ZNF518A: variants seen among roughly 807,000 people sequenced by gnomAD.
ZNF518A encodes the protein zinc finger protein 518.
In ZNF518A, 47 loss-of-function variants were observed where a neutral mutation model predicts 102.7. The ratio of observed to expected loss-of-function variants is 0.46; its 90% CI spans 0.36 to 0.58. The LOEUF (loss-of-function observed/expected upper bound fraction) is 0.58, where lower values mean the gene tolerates loss of function less well. ZNF518A is among the 20% of genes least tolerant of loss of function. The probability of loss-of-function intolerance (pLI) is 0.00; values close to 1 mark genes in which losing one functional copy is unlikely to be tolerated. For synonymous variants in ZNF518A, 652 were observed against 594.6 expected, an observed-to-expected ratio of 1.10 and a Z score of -1.40; for missense variants, 1,793 against 1,699.8, an observed-to-expected ratio of 1.05 and a Z score of -0.96.
chr10:96,183,664 C>T (rs1356645382), intron 1 of ZNF518A, among the ~76,000 whole-genome samples: 1 of 152,192 alleles, frequency 6.6e-6, no homozygotes, highest in Non-Finnish European at 1.5e-5. Flanking sequence ...TTTGATTGCA[C>T]TGTGGTCTGA....
downstream of ZNF518A, among the ~76,000 whole-genome samples, chr10:96,168,649 A>G (rs1365624308): frequency 6.6e-6 from 1 of 151,924 alleles, no homozygotes; most frequent in Non-Finnish European, 1.5e-5. Context: ...TTTCTTTTTA[A>G]TTTTCCATTC....
upstream of ZNF518A, chr10:96,130,137 A>C (rs2081245725): frequency 6.5e-6 from 1 of 152,852 alleles, no homozygotes; most frequent in Admixed American, 6.5e-5. Context: ...CGTCAGCGGG[A>C]CTGCCCAGAC....
At chr10:96,138,603 A>G (rs1171171997) in intron 3 of ZNF518A, among the ~76,000 whole-genome samples, 30 of 152,288 alleles carry the variant, frequency 2.0e-4, no homozygotes, top group African/African-American at 7.2e-4. Context: ...CTCTGTAGCA[A>G]TTGTTGCCTT....
chr10:96,131,911 C>T (rs1554872079), intron 1 of ZNF518A, among the ~76,000 whole-genome samples: 1 of 151,990 alleles, frequency 6.6e-6, no homozygotes, highest in African/African-American at 2.4e-5. Context: ...TTTAAATGCC[C>T]TTTAAGTGTA....
chr10:96,146,130 A>G (rs1268858468), intron 3 of ZNF518A, among the ~76,000 whole-genome samples: 1 of 152,174 alleles, frequency 6.6e-6, no homozygotes, highest in African/African-American at 2.4e-5. Context: ...TATGTTAGAT[A>G]TCATTGTGTT....
chr10:96,130,974 T>A (rs1483364893), intron 1 of ZNF518A, among the ~76,000 whole-genome samples: 1 of 152,226 alleles, frequency 6.6e-6, no homozygotes, highest in African/African-American at 2.4e-5. Context: ...ATCAAACAGA[T>A]GTAGCTTTAA....
intron 3 of ZNF518A, among the ~76,000 whole-genome samples, chr10:96,152,705 C>T (rs1482444485): frequency 6.6e-6 from 1 of 152,196 alleles, no homozygotes; most frequent in Non-Finnish European, 1.5e-5. Context: ...TAGCCTGTTG[C>T]TTCTAGGCTA....
At chr10:96,154,524 A>G (rs1362370490) in intron 3 of ZNF518A, among the ~76,000 whole-genome samples, 2 of 150,124 alleles carry the variant, frequency 1.3e-5, no homozygotes, top group Non-Finnish European at 3.0e-5. Flanking sequence ...GTTGGATTGT[A>G]GAGCCTTCAA....
chr10:96,197,185 T>C (rs1247158189), intron 1 of ZNF518A: 13 of 697,460 alleles, frequency 1.9e-5, no homozygotes, highest in Non-Finnish European at 3.0e-5. Context: ...TTTAGCTACA[T>C]TATTTTTATT....
chr10:96,148,784 C>T (rs587702727), intron 3 of ZNF518A, among the ~76,000 whole-genome samples: 6 of 152,304 alleles, frequency 3.9e-5, no homozygotes, highest in South Asian at 2.1e-4. Flanking sequence ...GGCATGGTCT[C>T]GGCTCACTGC....
At chr10:96,154,344 CTTT>C (rs2082593249) in intron 3 of ZNF518A, among the ~76,000 whole-genome samples, 1 of 148,720 alleles carries the variant, frequency 6.7e-6, no homozygotes, top group African/African-American at 2.6e-5. Flanking sequence ...TCAATCTTTT[CTTT>C]CTTTCTCTTT....
rs186057029 is a variant in ZNF518A at position 96,191,030 on chromosome 10, G to C, written n.36-12544G>C. The stretch of plus-strand genomic sequence containing the variant: ...GTGCCATGGGAGGGACCTGGTGGGA[G>C]GTAACTGAATCACGCGGGCAGGTTT... On this transcript the variant is annotated intron_variant and non_coding_transcript_variant, in intron 1 of 2. Transcript: ENST00000442635. Among the ~76,000 whole-genome samples, 192 of 152,228 alleles carry C rather than the reference G, an allele frequency of 1.3e-3. 2 individuals are homozygous for C. Among genetic ancestry groups the C allele is most frequent in the African/African-American group, 4.3e-3 (180 of 41,546 alleles).
Position 96,133,602 on chromosome 10 carries a change from G to A in ZNF518A, c.-348G>A, listed in dbSNP as rs962257617. On this transcript the variant is annotated 5_prime_UTR_variant, in exon 3 of 6. An upstream start codon of the reference 5' UTR is lost. Coordinates refer to ENST00000316045, the MANE Select transcript of ZNF518A (RefSeq NM_001330736.2). ...GGATAGGTCCTGGGATCTTTGAAATGCTAAGATTCTTGGATACCACAGTAT... is the reference window on the plus strand; with the variant it reads ...GGATAGGTCCTGGGATCTTTGAAATACTAAGATTCTTGGATACCACAGTAT... 2 of 152,176 alleles carry A rather than the reference G, an allele frequency of 1.3e-5. No homozygotes were observed. The highest frequency in any genetic ancestry group is 2.9e-5 in the Non-Finnish European group (2 of 68,018). 9.4% of individuals were successfully genotyped at this position (152,176 alleles called of 1,614,324 possible).
downstream of ZNF518A, chr10:96,204,753 T>C: frequency 1.3e-6 from 1 of 755,744 alleles, no homozygotes; most frequent in South Asian, 1.5e-5. Flanking sequence ...TGAGATGTCA[T>C]GGATCTGTGC....
chr10:96,150,422 T>C (rs1050858707), intron 3 of ZNF518A, among the ~76,000 whole-genome samples: 10 of 151,888 alleles, frequency 6.6e-5, no homozygotes, highest in Admixed American at 5.2e-4. Flanking sequence ...CCCACCTTTT[T>C]GGATAGCATT....
chr10:96,203,921 T>C (rs1397127641), exon 3 of ZNF518A: 1 of 644,384 alleles, frequency 1.6e-6, no homozygotes, highest in African/African-American at 1.8e-5. Context: ...ATTTTACAGG[T>C]AAGGAAACAA....
At chr10:96,164,040 A>C (rs1554889451), downstream of ZNF518A, among the ~76,000 whole-genome samples, 1 of 152,336 alleles carries the variant, frequency 6.6e-6, no homozygotes, top group African/African-American at 2.4e-5. Context: ...AGTGCAACTT[A>C]TGAAGGGATT....
intron 3 of ZNF518A, among the ~76,000 whole-genome samples, chr10:96,147,414 C>T (rs781945667): frequency 1.3e-5 from 2 of 152,200 alleles, no homozygotes; most frequent in East Asian, 1.9e-4. Flanking sequence ...ATTTACTTCT[C>T]TCTCCTCCAT....
chr10:96,200,309 A>C lies in ZNF518A; in HGVS notation n.36-3265A>C. Reference sequence around the variant, plus strand: ...GATGAGTTTTATTTTTCCTTTGATCAAACACAAGGATTATACCGTTAACTT... The same window carrying C: ...GATGAGTTTTATTTTTCCTTTGATCCAACACAAGGATTATACCGTTAACTT... On this transcript the variant is annotated intron_variant and non_coding_transcript_variant, in intron 1 of 2. Coordinates refer to the ZNF518A transcript ENST00000442635. This position sits in a 1 kb window ranked among gnomAD's most constrained non-coding sequence, Gnocchi z 4.3. 1 of 637,910 alleles carries C rather than the reference A, an allele frequency of 1.6e-6. No homozygotes were observed. The highest frequency in any genetic ancestry group is 2.0e-5 in the South Asian group (1 of 49,406). 39.5% of individuals were successfully genotyped at this position (637,910 alleles called of 1,614,324 possible). A position where few individuals can be genotyped will look rare whatever the true frequency, so the allele number is the denominator to read the frequency against.
Sources: gnomAD v4.1 joint callset for allele counts (sites outside exome capture counted in the v4.1 genomes callset) on GRCh38, gnomAD v4.1.1 for gene constraint, Gnocchi (gnomAD v3.1) non-coding constraint, MANE v1.5 for transcripts, NCBI Gene and HGNC (gene_info 2026-07-23, HGNC 2026-07-21) for gene names.